LEP: variants seen among roughly 807,000 people sequenced by gnomAD.
LEP encodes the protein leptin (murine obesity homolog).
In LEP, 6 loss-of-function variants were observed where a neutral mutation model predicts 9.8. The ratio of observed to expected loss-of-function variants is 0.61; its 90% confidence interval spans 0.34 to 1.21. The LOEUF (loss-of-function observed/expected upper bound fraction) is 1.21. Among genes scored for constraint, LEP ranks in the 50% most tolerant of loss-of-function variants. The pLI is 0.04. For synonymous variants in LEP, 112 were observed against 81.7 expected, an observed-to-expected ratio of 1.37 and a Z score of -2.00; for missense variants, 134 against 198.1, an observed-to-expected ratio of 0.68 and a Z score of 1.94.
intron 2 of LEP, among the ~76,000 whole-genome samples, chr7:128,253,074 C>T (rs1795294146): frequency 6.6e-6 from 1 of 152,124 alleles, no homozygotes; most frequent in South Asian, 2.1e-4. Context: ...TCGCCTTCCT[C>T]CCTGACTTCA....
intron 1 of LEP, among the ~76,000 whole-genome samples, chr7:128,247,967 T>C (rs185545324): frequency 6.6e-6 from 1 of 152,298 alleles, no homozygotes; most frequent in East Asian, 1.9e-4. Flanking sequence ...ACCCAAGGCA[T>C]TTCTTCATTT....
intron 1 of LEP, among the ~76,000 whole-genome samples, chr7:128,251,346 C>G (rs903769936): frequency 6.6e-6 from 1 of 152,144 alleles, no homozygotes; most frequent in East Asian, 1.9e-4. Context: ...TCAGTAAGTG[C>G]TAGTGGGATT....
chr7:128,242,984 G>A (rs1340580944), intron 1 of LEP, among the ~76,000 whole-genome samples: 3 of 152,214 alleles, frequency 2.0e-5, no homozygotes, highest in African/African-American at 2.4e-5. Flanking sequence ...GGAAAATTGA[G>A]CCAAATTTTC....
In LEP at chr7:128,257,260, T is replaced by C. The variant is rs1795352162; in HGVS notation, c.*2497T>C. On this transcript the variant is annotated 3_prime_UTR_variant, in exon 3 of 3. Transcript: ENST00000308868. ...CCTAAGTATAAATGGTTGTCTGTTT[T>C]TGTAACTTAAAAAAAAAAAAAAAAG... 6.6e-6 allele frequency: 1 copy of C among 151,750 alleles called. No homozygotes were observed. Among genetic ancestry groups the C allele is most frequent in the Admixed American group, 6.6e-5 (1 of 15,250 alleles). The allele number at this position is 151,750 out of a possible 1,614,324, so 9.4% of individuals were successfully genotyped here. A position where few individuals can be genotyped will look rare whatever the true frequency, so the allele number is the denominator to read the frequency against.
chr7:128,242,985 C>G (rs893355575), intron 1 of LEP, among the ~76,000 whole-genome samples: 3 of 152,200 alleles, frequency 2.0e-5, no homozygotes, highest in African/African-American at 4.8e-5. Flanking sequence ...GAAAATTGAG[C>G]CAAATTTTCC....
chr7:128,244,246 GACACACAC>G (rs60815271), intron 1 of LEP, among the ~76,000 whole-genome samples: 10,197 of 146,970 alleles, frequency 0.069, 840 homozygotes, highest in African/African-American at 0.2. Flanking sequence ...GCAAGACCCT[GACACACAC>G]ACACACACAC....
At chr7:128,253,042 C>T (rs1402236309) in intron 2 of LEP, among the ~76,000 whole-genome samples, 1 of 152,116 alleles carries the variant, frequency 6.6e-6, no homozygotes, top group Non-Finnish European at 1.5e-5. Flanking sequence ...CTTCCTGTCC[C>T]CTCTGTCCCC....
intron 1 of LEP, among the ~76,000 whole-genome samples, chr7:128,242,591 G>T (rs1795164076): frequency 6.6e-6 from 1 of 152,218 alleles, no homozygotes; most frequent in African/African-American, 2.4e-5. Context: ...CCAAGCAGTT[G>T]TGGACATTGG....
At chr7:128,244,246 GACACAC>G (rs60815271) in intron 1 of LEP, among the ~76,000 whole-genome samples, 41,452 of 146,598 alleles carry the variant, frequency 0.28, 6,127 homozygotes, top group East Asian at 0.6. Context: ...GCAAGACCCT[GACACAC>G]ACACACACAC....
chr7:128,252,276 G>A, intron 2 of LEP, 114 bp downstream of exon 2: 1 of 1,149,486 alleles, frequency 8.7e-7, no homozygotes. Flanking sequence ...CTGAATGCCA[G>A]GCACCTACTG....
At chr7:128,251,126 G>A (rs1269453327) in intron 1 of LEP, among the ~76,000 whole-genome samples, 1 of 152,144 alleles carries the variant, frequency 6.6e-6, no homozygotes. Flanking sequence ...CCCCAGCTCA[G>A]GAGACACTTC....
At chr7:128,250,593 G>A (rs866248768) in intron 1 of LEP, among the ~76,000 whole-genome samples, 4 of 152,148 alleles carry the variant, frequency 2.6e-5, no homozygotes, top group South Asian at 4.2e-4. Flanking sequence ...TTTCTCTTCT[G>A]TGAAATTCAG....
chr7:128,252,870 C>T (rs895451882), intron 2 of LEP, among the ~76,000 whole-genome samples: 2 of 151,954 alleles, frequency 1.3e-5, no homozygotes, highest in Non-Finnish European at 2.9e-5. Flanking sequence ...GGCAACATGG[C>T]AAGACCTCTC....
intron 2 of LEP, among the ~76,000 whole-genome samples, chr7:128,254,162 A>C (rs1254928310): frequency 6.6e-6 from 1 of 152,186 alleles, no homozygotes; most frequent in Non-Finnish European, 1.5e-5. Context: ...GGAATGACCT[A>C]GGAAAGTTGG....
At chr7:128,254,291 T>G (rs75062545) in intron 2 of LEP, 113 bp from the exon 3 acceptor site, 1 of 1,395,348 alleles carries the variant, frequency 7.2e-7, no homozygotes, top group Middle Eastern at 2.2e-4. Context: ...TGAGGGAGGG[T>G]GGAAGGAGGC....
chr7:128,255,106 AG>A lies in LEP; in HGVS notation c.*347del. ...CCTCACTGAATGCCTCAATGTGACC[AG>A]GGGTGATTTCAGAGAGGGCAGAGGG... On this transcript the variant is annotated 3_prime_UTR_variant, in exon 3 of 3. Transcript: ENST00000308868. The A allele has an allele frequency of 2.9e-6, 1 of 341,330 alleles. No individual in the cohort carries two copies. The highest frequency in any genetic ancestry group is 2.8e-5 in the South Asian group (1 of 36,066). 21.1% of individuals were successfully genotyped at this position (341,330 alleles called of 1,614,324 possible).
rs1795280238 is a variant in LEP, at chr7:128,251,996, A to G, written c.-23A>G. On this transcript the variant is annotated 5_prime_UTR_variant, in exon 2 of 3. Coordinates refer to ENST00000308868, the MANE Select transcript of LEP (RefSeq NM_000230.3). ...GTGGTTCCTTCTGTTTTCAGGCCCA[A>G]GAAGCCCATCCTGGGAAGGAAAATG... 6.2e-7 allele frequency: 1 copy of G among 1,613,996 alleles called. No homozygotes were observed. Among genetic ancestry groups the G allele is most frequent in the Non-Finnish European group, 8.5e-7 (1 of 1,179,880 alleles).
In LEP at chr7:128,254,991, A is replaced by C. The variant is rs2116229218; in HGVS notation, c.*228A>C. The C allele has an allele frequency of 1.8e-6, 1 of 557,346 alleles. No homozygotes were observed. Among genetic ancestry groups the C allele is most frequent in the African/African-American group, 1.9e-5 (1 of 53,198 alleles). 34.5% of individuals were successfully genotyped at this position (557,346 alleles called of 1,614,324 possible). A position where few individuals can be genotyped will look rare whatever the true frequency, so the allele number is the denominator to read the frequency against. ...CCTATTCTCACCAGGAAGGGGGTCC[A>C]CCCAGCAAAGAGTGGGCTGCATCTG... On this transcript the variant is annotated 3_prime_UTR_variant, in exon 3 of 3. Transcript: ENST00000308868.
At chr7:128,254,354 C>A (rs17151914) in intron 2 of LEP, 50 bp from the exon 3 acceptor site, 2 of 1,604,992 alleles carry the variant, frequency 1.2e-6, no homozygotes, top group African/African-American at 1.3e-5. Flanking sequence ...GCTCTGAGAG[C>A]GATTCCTCCC....
Sources: gnomAD v4.1 joint callset for allele counts (sites outside exome capture counted in the v4.1 genomes callset) on GRCh38, gnomAD v4.1.1 for gene constraint, MANE v1.5 for transcripts, NCBI Gene and HGNC (gene_info 2026-07-23, HGNC 2026-07-21) for gene names.